The following CHCHD3 variants were observed in gnomAD, a reference collection of about 807,000 sequenced individuals.
CHCHD3 encodes the protein coiled-coil-helix-coiled-coil-helix domain containing 3.
In CHCHD3, 20 loss-of-function variants were observed where a neutral mutation model predicts 38.2. The ratio of observed to expected loss-of-function variants is 0.52; its 90% CI spans 0.37 to 0.76. CHCHD3 has a LOEUF of 0.76. Ranked by LOEUF, CHCHD3 falls within the 30% of genes least tolerant of loss-of-function variation. CHCHD3 has a pLI of 0.00. For synonymous variants in CHCHD3, 82 were observed against 100.0 expected (o/e 0.82, Z 1.07); for missense variants, 245 against 279.2 (o/e 0.88, Z 0.87).
chr7:133,034,057 C>A (rs1001338361), intron 2 of CHCHD3, among the ~76,000 whole-genome samples: 1 of 152,104 alleles, frequency 6.6e-6, no homozygotes, highest in Admixed American at 6.5e-5. Context: ...TTCAGATTAC[C>A]GTCTTTAAGA....
At chr7:132,933,816 G>C (rs1810572394) in intron 4 of CHCHD3, among the ~76,000 whole-genome samples, 1 of 152,206 alleles carries the variant, frequency 6.6e-6, no homozygotes, top group Admixed American at 6.5e-5. Context: ...CAGAAGAAGA[G>C]ACAATGTGCC....
intron 4 of CHCHD3, among the ~76,000 whole-genome samples, chr7:132,961,141 G>C (rs974237497): frequency 6.6e-6 from 1 of 152,016 alleles, no homozygotes; most frequent in Non-Finnish European, 1.5e-5. Flanking sequence ...AATTAGCCAG[G>C]TGTGGTAGTA....
chr7:132,840,399 C>T (rs746814313), intron 5 of CHCHD3, among the ~76,000 whole-genome samples: 3 of 152,188 alleles, frequency 2.0e-5, no homozygotes, highest in Non-Finnish European at 4.4e-5. Flanking sequence ...AAAATGCTGG[C>T]TAAGCAATAA....
intron 4 of CHCHD3, among the ~76,000 whole-genome samples, chr7:132,945,671 T>C (rs1266643043): frequency 6.6e-6 from 1 of 151,884 alleles, no homozygotes; most frequent in Non-Finnish European, 1.5e-5. Flanking sequence ...ATAACACTCA[T>C]CTTGCTTTAA....
chr7:132,810,654 G>A (rs1330542044), intron 6 of CHCHD3, among the ~76,000 whole-genome samples: 5 of 152,158 alleles, frequency 3.3e-5, no homozygotes, highest in Non-Finnish European at 7.3e-5. Context: ...TGATTTCTAC[G>A]TAAAGGGATA....
At chr7:132,949,097 C>G (rs1810973897) in intron 4 of CHCHD3, among the ~76,000 whole-genome samples, 1 of 152,112 alleles carries the variant, frequency 6.6e-6, no homozygotes. Flanking sequence ...GGCTTTGCAT[C>G]AGAAAGCTCA....
At chr7:132,969,568 TACTAGAA>T (rs1811560029) in intron 4 of CHCHD3, among the ~76,000 whole-genome samples, 1 of 152,232 alleles carries the variant, frequency 6.6e-6, no homozygotes, top group Admixed American at 6.5e-5. Flanking sequence ...AAGTTACTGA[TACTAGAA>T]ACCTTGCTTG....
intron 2 of CHCHD3, among the ~76,000 whole-genome samples, chr7:133,055,215 A>G (rs1814282786): frequency 6.7e-6 from 1 of 148,652 alleles, no homozygotes; most frequent in Non-Finnish European, 1.5e-5. Flanking sequence ...TATAAAATAT[A>G]CACATATAAT....
rs998951073 is a variant in CHCHD3 at position 132,832,028 on chromosome 7, AC to A, written c.524+6370del. ...TTAAAATATTACATCCAAAAAAGAA[AC>A]TAAACAATATTGCCAGTGAAAGTGC... On this transcript the variant is annotated intron_variant, in intron 6 of 7. Transcript: ENST00000262570. Among the ~76,000 whole-genome samples, 108 of 152,306 alleles carry A rather than the reference AC, an allele frequency of 7.1e-4. 2 individuals carry two copies. The highest frequency in any genetic ancestry group is 2.5e-3 in the African/African-American group (102 of 41,568).
At chr7:132,941,632 A>T (rs1810767516) in intron 4 of CHCHD3, among the ~76,000 whole-genome samples, 1 of 152,196 alleles carries the variant, frequency 6.6e-6, no homozygotes, top group Non-Finnish European at 1.5e-5. Flanking sequence ...AATGAGGAAC[A>T]CAATACCGTT....
intron 1 of CHCHD3, among the ~76,000 whole-genome samples, chr7:133,072,636 G>C (rs1007478238): frequency 1.3e-5 from 2 of 151,930 alleles, no homozygotes; most frequent in Non-Finnish European, 2.9e-5. Flanking sequence ...TCAGGAGATC[G>C]AGACCATCCT....
In CHCHD3 at chr7:133,021,960, G is replaced by A. The variant is rs184918345; in HGVS notation, c.251+2586C>T. Among the ~76,000 whole-genome samples the A allele has an allele frequency of 8.5e-3, 1,291 of 152,054 alleles. 17 individuals are homozygous for A. Among genetic ancestry groups the A allele is most frequent in the African/African-American group, 0.029 (1,193 of 41,490 alleles). ...AAATCAGCCGGGTGTGGTGGCGGGC[G>A]CCTGTAATCCCAGCTACTCGGGAGG... On this transcript the variant is annotated intron_variant, in intron 3 of 7. Coordinates refer to ENST00000262570, the MANE Select transcript of CHCHD3 (RefSeq NM_017812.4).
Position 133,062,447 on chromosome 7 carries a change from G to A in CHCHD3, c.169+7695C>T, listed in dbSNP as rs138956459. ...TTTTATTTCACAAATCTTGAAGCAT[G>A]ATTACAAAATTTATATCACTGTTTT... On this transcript the variant is annotated intron_variant, in intron 2 of 7. Transcript: ENST00000262570. Among the ~76,000 whole-genome samples, 154 of 152,226 alleles carry A rather than the reference G, an allele frequency of 1.0e-3. 1 individual carries two copies. Among genetic ancestry groups the A allele is most frequent in the African/African-American group, 3.5e-3 (146 of 41,540 alleles).
intron 2 of CHCHD3, among the ~76,000 whole-genome samples, chr7:133,045,670 A>C (rs1422116640): frequency 6.6e-6 from 1 of 152,154 alleles, no homozygotes; most frequent in African/African-American, 2.4e-5. Flanking sequence ...CAACATATGT[A>C]TATGCTGATA....
intron 4 of CHCHD3, among the ~76,000 whole-genome samples, chr7:132,938,400 G>A (rs1008964893): frequency 5.3e-5 from 8 of 151,986 alleles, no homozygotes; most frequent in South Asian, 2.1e-4. Flanking sequence ...AAATGAACAC[G>A]TAATACATCT....
chr7:132,946,882 G>A (rs1014100232), intron 4 of CHCHD3, among the ~76,000 whole-genome samples: 1 of 151,780 alleles, frequency 6.6e-6, no homozygotes, highest in Non-Finnish European at 1.5e-5. Flanking sequence ...GTTTCTTAAT[G>A]TTCAAATCCA....
At chr7:132,834,143 CA>C (rs763963576) in intron 6 of CHCHD3, among the ~76,000 whole-genome samples, 56 of 152,108 alleles carry the variant, frequency 3.7e-4, no homozygotes, top group Non-Finnish European at 7.1e-4. Flanking sequence ...CCCTGTCATG[CA>C]ATGCAAATAT....
At chr7:132,984,888 G>A (rs1425000065) in intron 3 of CHCHD3, among the ~76,000 whole-genome samples, 5 of 101,948 alleles carry the variant, frequency 4.9e-5, no homozygotes, top group Admixed American at 2.0e-4. Flanking sequence ...CGCCCCATCC[G>A]GGAGGGAGGT....
chr7:133,010,873 T>G (rs1812850792), intron 3 of CHCHD3, among the ~76,000 whole-genome samples: 2 of 151,922 alleles, frequency 1.3e-5, no homozygotes, highest in African/African-American at 4.8e-5. Context: ...CCAGCCCTCA[T>G]AAACTTTTAT....
Sources: allele counts gnomAD v4.1 joint callset (sites outside exome capture counted in the v4.1 genomes callset), GRCh38; gene constraint gnomAD v4.1.1; transcripts MANE v1.5; gene names NCBI Gene and HGNC (gene_info 2026-07-23, HGNC 2026-07-21).